MAML3: variants seen among roughly 807,000 people sequenced by gnomAD.
MAML3 encodes mastermind like transcriptional coactivator 3, also known as mastermind-like protein 3.
A neutral mutation model predicts 101.9 loss-of-function variants in MAML3; 27 were observed. The observed-to-expected ratio is 0.27, with a 90% CI of 0.20 to 0.37. MAML3 has a LOEUF of 0.37. Ranked by LOEUF, MAML3 falls within the 10% of genes least tolerant of loss-of-function variation. MAML3 has a pLI of 1.00. For missense variants in MAML3, 1,316 were observed against 1,444.9 expected (o/e 0.91, Z 1.45); for synonymous variants, 501 against 555.9 (o/e 0.90, Z 1.39).
chr4:139,801,637 T>G (rs1264174333), intron 2 of MAML3, among the ~76,000 whole-genome samples: 1 of 15,870 alleles, frequency 6.3e-5, no homozygotes, highest in African/African-American at 2.0e-4. Flanking sequence ...GAACAGGGTG[T>G]GTGTGGGTGT....
intron 1 of MAML3, among the ~76,000 whole-genome samples, chr4:140,081,755 C>CAG (rs1458359399): frequency 1.3e-5 from 2 of 152,190 alleles, no homozygotes; most frequent in Non-Finnish European, 2.9e-5. Flanking sequence ...TGCACAACAC[C>CAG]AGAGGATGTG....
At chr4:139,763,758 T>A (rs1239305130) in intron 2 of MAML3, among the ~76,000 whole-genome samples, 2 of 152,206 alleles carry the variant, frequency 1.3e-5, no homozygotes, top group Non-Finnish European at 2.9e-5. Context: ...TATCTCTGCA[T>A]GTTCAGAAAT....
At chr4:140,023,390 T>C (rs1433503801) in intron 1 of MAML3, among the ~76,000 whole-genome samples, 2 of 152,178 alleles carry the variant, frequency 1.3e-5, no homozygotes, top group African/African-American at 2.4e-5. Context: ...GATACACTCT[T>C]GGTGAGTGAG....
At chr4:139,969,907 T>C (rs6822524) in intron 1 of MAML3, among the ~76,000 whole-genome samples, 43,664 of 152,154 alleles carry the variant, frequency 0.29, 7,463 homozygotes, top group East Asian at 0.62. Flanking sequence ...TTAAGTAACA[T>C]ATTGGAGTTC....
intron 1 of MAML3, among the ~76,000 whole-genome samples, chr4:140,143,265 G>C (rs1359856880): frequency 2.0e-5 from 3 of 152,202 alleles, no homozygotes; most frequent in Admixed American, 1.3e-4. Context: ...CAGTTGCTCA[G>C]TACATGTTCA....
chr4:139,854,838 G>A (rs1731627448), intron 2 of MAML3, among the ~76,000 whole-genome samples: 1 of 152,186 alleles, frequency 6.6e-6, no homozygotes, highest in Admixed American at 6.5e-5. Context: ...GTATAGCTGT[G>A]AGACTCCACT....
chr4:139,875,916 C>CAAAAAAAAAAAAAA (rs57104878), intron 2 of MAML3, among the ~76,000 whole-genome samples: 1 of 81,564 alleles, frequency 1.2e-5, no homozygotes, highest in African/African-American at 4.5e-5. Context: ...TCACAAACAG[C>CAAAAAAAAAAAAAA]AAAAAAAAAA....
intron 2 of MAML3, among the ~76,000 whole-genome samples, chr4:139,767,015 T>C (rs1000513530): frequency 5.3e-5 from 8 of 152,250 alleles, no homozygotes; most frequent in African/African-American, 1.9e-4. Context: ...ATAACAAGTA[T>C]ACACGTGACT....
chr4:139,739,044 A>C (rs1020328015), intron 2 of MAML3, among the ~76,000 whole-genome samples: 2 of 152,220 alleles, frequency 1.3e-5, no homozygotes, highest in African/African-American at 4.8e-5. Context: ...TGGGACCAAG[A>C]CTATGAGTCT....
intron 1 of MAML3, among the ~76,000 whole-genome samples, chr4:140,011,986 T>C (rs1726571675): frequency 6.6e-6 from 1 of 151,784 alleles, no homozygotes; most frequent in African/African-American, 2.4e-5. Context: ...ATTTTTATCA[T>C]ACATTACAGA....
chr4:139,941,634 A>G (rs1733599041), intron 1 of MAML3, among the ~76,000 whole-genome samples: 1 of 152,046 alleles, frequency 6.6e-6, no homozygotes, highest in South Asian at 2.1e-4. Context: ...AGTAATGACT[A>G]GACATCAACT....
chr4:139,771,356 CCTAA>C (rs1427796856), intron 2 of MAML3, among the ~76,000 whole-genome samples: 1 of 152,168 alleles, frequency 6.6e-6, no homozygotes, highest in East Asian at 1.9e-4. Flanking sequence ...CAGTGTCATT[CCTAA>C]CTATTCCAGT....
intron 1 of MAML3, among the ~76,000 whole-genome samples, chr4:139,978,150 T>C (rs1734380040): frequency 6.6e-6 from 1 of 152,132 alleles, no homozygotes; most frequent in South Asian, 2.1e-4. Context: ...CTCCTTCTCC[T>C]TGACTCGGAA....
In MAML3 at chr4:140,000,946, T is replaced by C. The variant is rs185233566; in HGVS notation, c.469-109979A>G. 5.4e-3 allele frequency among the ~76,000 whole-genome samples: 822 copies of C among 151,942 alleles called. 3 individuals are homozygous for C. Among genetic ancestry groups the C allele is most frequent in the Non-Finnish European group, 5.6e-3 (383 of 67,982 alleles). On this transcript the variant is annotated intron_variant, in intron 1 of 4. Transcript: ENST00000509479. Reference sequence around the variant, plus strand: ...GGAAGGCTGAGGCAGGAGAATCACTTGAACCTGGGAGGTGGACGTTGTGGT... The same window carrying C: ...GGAAGGCTGAGGCAGGAGAATCACTCGAACCTGGGAGGTGGACGTTGTGGT...
At chr4:140,043,897 A>G (rs1056324720) in intron 1 of MAML3, among the ~76,000 whole-genome samples, 1 of 152,246 alleles carries the variant, frequency 6.6e-6, no homozygotes, top group Non-Finnish European at 1.5e-5. Context: ...AGCAACTGAC[A>G]TCACTGTTAA....
At chr4:140,144,850 C>T (rs1438794294) in intron 1 of MAML3, among the ~76,000 whole-genome samples, 1 of 152,180 alleles carries the variant, frequency 6.6e-6, no homozygotes, top group African/African-American at 2.4e-5. Context: ...GTGATGCCTC[C>T]AAAATGCTCA....
chr4:140,019,116 C>T (rs1168076265), intron 1 of MAML3, among the ~76,000 whole-genome samples: 1 of 146,470 alleles, frequency 6.8e-6, no homozygotes. Flanking sequence ...CTCTGCCCTC[C>T]GCCCACACTG....
In MAML3 at chr4:139,889,909, TTGCTGCTGCTGCTGCTGCTGCTGC is replaced by T. The variant is rs58015886; in HGVS notation, c.1503_1526del (p.Gln503_Gln510del). ...AATTTGAAGTCTGATTTGAGTGCTG[TTGCTGCTGCTGCTGCTGCTGCTGC>T]TGCTGCTGCTGCTGCTGCTGCTGCT... On this transcript the variant is annotated inframe_deletion, in exon 2 of 5. Coordinates refer to ENST00000509479, the MANE Select transcript of MAML3 (RefSeq NM_018717.5). 3.3e-4 allele frequency: 484 copies of T among 1,476,644 alleles called. 1 individual carries two copies. The South Asian group carries it at 4.0e-3, about 12-fold the overall frequency. The allele number at this position is 1,476,644 out of a possible 1,614,324, so 91.5% of individuals were successfully genotyped here. A position where few individuals can be genotyped will look rare whatever the true frequency, so the allele number is the denominator to read the frequency against.
At chr4:139,829,759 A>G (rs757601157) in intron 2 of MAML3, among the ~76,000 whole-genome samples, 1 of 152,234 alleles carries the variant, frequency 6.6e-6, no homozygotes, top group Non-Finnish European at 1.5e-5. Context: ...GAGGTTTATA[A>G]TGGATTCAAG....
Sources: gnomAD v4.1 joint callset for allele counts (sites outside exome capture counted in the v4.1 genomes callset) on GRCh38, gnomAD v4.1.1 for gene constraint, MANE v1.5 for transcripts, NCBI Gene and HGNC (gene_info 2026-07-23, HGNC 2026-07-21) for gene names.